The following GPHN variants were observed in gnomAD, a reference collection of about 807,000 sequenced individuals.
GPHN encodes the protein gephyrin.
A neutral mutation model predicts 95.5 loss-of-function variants in GPHN; 17 were observed. The observed-to-expected ratio is 0.18, with a 90% CI of 0.12 to 0.27. The LOEUF is 0.27. GPHN is among the 10% of genes least tolerant of loss of function. The pLI, the probability that GPHN is intolerant of heterozygous loss-of-function variation, is 1.00. For synonymous variants in GPHN, 320 were observed against 322.5 expected (o/e 0.99, Z 0.08); for missense variants, 660 against 978.1 (o/e 0.67, Z 4.34).
At chr14:67,386,273 T>C in the GPHN span, 1 of 152,648 alleles carries the variant, frequency 6.6e-6, no homozygotes, top group Non-Finnish European at 1.5e-5. Context: ...AACATTAGCT[T>C]GTGATTTCTC....
At chr14:66,807,899 G>T (rs1566966515) in intron 3 of GPHN, among the ~76,000 whole-genome samples, 1 of 152,190 alleles carries the variant, frequency 6.6e-6, no homozygotes, top group Non-Finnish European at 1.5e-5. Flanking sequence ...TAATGGACAG[G>T]ATAGACATGA....
chr14:67,098,103 C>G (rs188069603), intron 12 of GPHN, among the ~76,000 whole-genome samples: 1 of 151,988 alleles, frequency 6.6e-6, no homozygotes, highest in Admixed American at 6.6e-5. Context: ...TGTAACAAAC[C>G]TGCACGTTGT....
chr14:66,976,915 TGG>T (rs34249632), intron 9 of GPHN, among the ~76,000 whole-genome samples: 1,943 of 81,840 alleles, frequency 0.024, 54 homozygotes, highest in African/African-American at 0.038. Flanking sequence ...CAGAAATATG[TGG>T]GGGGGGGGGG....
the GPHN span, among the ~76,000 whole-genome samples, chr14:67,235,341 C>G: frequency 1.3e-5 from 2 of 152,122 alleles, no homozygotes; most frequent in African/African-American, 4.8e-5. Context: ...TTCGTCTCCT[C>G]TTTCTTAACA....
intron 12 of GPHN, among the ~76,000 whole-genome samples, chr14:67,097,086 A>C (rs1302825978): frequency 6.6e-6 from 1 of 152,188 alleles, no homozygotes; most frequent in Non-Finnish European, 1.5e-5. Flanking sequence ...AACATATTGA[A>C]CATTTATTTA....
At chr14:66,863,018 A>T (rs185683250) in intron 4 of GPHN, among the ~76,000 whole-genome samples, 3 of 152,170 alleles carry the variant, frequency 2.0e-5, no homozygotes, top group Non-Finnish European at 4.4e-5. Flanking sequence ...TCCACATTGG[A>T]AAGGAAGAAG....
At chr14:67,199,742 T>C in the GPHN span, 54 of 1,567,680 alleles carry the variant, frequency 3.4e-5, 1 homozygote, top group Admixed American at 2.7e-4. Context: ...GGTATCATCA[T>C]TGGGGTCTGG....
intron 10 of GPHN, among the ~76,000 whole-genome samples, chr14:67,035,874 TGAAGAA>T (rs2074396578): frequency 6.6e-6 from 1 of 151,716 alleles, no homozygotes. Flanking sequence ...TCCAAACACT[TGAAGAA>T]GAAGGAATAC....
At chr14:67,493,528 C>T in the GPHN span, among the ~76,000 whole-genome samples, 1 of 152,184 alleles carries the variant, frequency 6.6e-6, no homozygotes, top group African/African-American at 2.4e-5. Flanking sequence ...GAGTAAATTG[C>T]CTTGCTGAGA....
chr14:67,703,990 A>T, the GPHN span, among the ~76,000 whole-genome samples: 1 of 152,192 alleles, frequency 6.6e-6, no homozygotes, highest in Non-Finnish European at 1.5e-5. Flanking sequence ...GCATGTCTTA[A>T]TGTTTGAGAA....
At chr14:67,611,980 A>C in the GPHN span, among the ~76,000 whole-genome samples, 3 of 152,158 alleles carry the variant, frequency 2.0e-5, no homozygotes, top group Admixed American at 2.0e-4. Context: ...TCAGGCATTA[A>C]ATTCTCATAA....
intron 4 of GPHN, among the ~76,000 whole-genome samples, chr14:66,878,127 G>T (rs1401834727): frequency 1.3e-5 from 2 of 152,128 alleles, no homozygotes; most frequent in African/African-American, 2.4e-5. Context: ...AATGGGGAAA[G>T]AATTTTCTAT....
At chr14:67,698,501 G>A in the GPHN span, among the ~76,000 whole-genome samples, 1 of 152,150 alleles carries the variant, frequency 6.6e-6, no homozygotes, top group Non-Finnish European at 1.5e-5. Flanking sequence ...CTAACATTAT[G>A]AAATGGGTAG....
the GPHN span, among the ~76,000 whole-genome samples, chr14:67,212,452 A>C: frequency 0.013 from 1,922 of 151,604 alleles, 27 homozygotes; most frequent in Non-Finnish European, 0.018. Flanking sequence ...TTTGCAGAGC[A>C]TGGTGGCATG....
chr14:67,628,980 T>A, the GPHN span, among the ~76,000 whole-genome samples: 5 of 152,324 alleles, frequency 3.3e-5, no homozygotes, highest in Admixed American at 3.3e-4. Flanking sequence ...CAAGTGTCCA[T>A]TGATGGATGA....
chr14:67,244,144 A>G, the GPHN span, among the ~76,000 whole-genome samples: 1 of 152,150 alleles, frequency 6.6e-6, no homozygotes, highest in African/African-American at 2.4e-5. Context: ...ACTAACTGCA[A>G]TTCATTCCCC....
chr14:66,859,757 T>A (rs978153262), intron 4 of GPHN, among the ~76,000 whole-genome samples: 1 of 152,168 alleles, frequency 6.6e-6, no homozygotes. Context: ...TTCTGTCAGA[T>A]AAACTTAGCA....
At chr14:66,861,866 A>G (rs891471178) in intron 4 of GPHN, among the ~76,000 whole-genome samples, 2 of 152,078 alleles carry the variant, frequency 1.3e-5, no homozygotes, top group African/African-American at 2.4e-5. Flanking sequence ...TTTTATAGCT[A>G]TAAGTGCCTA....
intron 4 of GPHN, among the ~76,000 whole-genome samples, chr14:66,835,957 G>A (rs2061786683): frequency 7.0e-6 from 1 of 143,046 alleles, no homozygotes; most frequent in Admixed American, 7.0e-5. Flanking sequence ...ACAAACAAAT[G>A]GAAGAACATT....
Sources: allele counts gnomAD v4.1 joint callset (sites outside exome capture counted in the v4.1 genomes callset), GRCh38; gene constraint gnomAD v4.1.1; transcripts MANE v1.5; gene names NCBI Gene and HGNC (gene_info 2026-07-23, HGNC 2026-07-21).